The following NUP210L variants were observed in gnomAD, a reference collection of about 807,000 sequenced individuals.
The protein encoded by NUP210L is nucleoporin 210 like.
Under a neutral mutation model 208.5 loss-of-function variants are expected in NUP210L, and 74 were observed. That is an observed-to-expected ratio of 0.35 (90% confidence interval 0.29 to 0.43). NUP210L has a LOEUF of 0.43. Among genes scored for constraint, NUP210L ranks in the 20% least tolerant of loss-of-function variants. The pLI is 1.00. For synonymous variants in NUP210L, 780 were observed against 816.9 expected (o/e 0.95, Z 0.77); for missense variants, 1,843 against 2,289.4 (o/e 0.81, Z 3.98).
At chr1:154,150,442 T>A (rs1011834653) in intron 2 of NUP210L, among the ~76,000 whole-genome samples, 1 of 146,348 alleles carries the variant, frequency 6.8e-6, no homozygotes, top group Admixed American at 6.8e-5. Flanking sequence ...TAATAAGCAC[T>A]TAAGGCTGGG....
chr1:154,049,846 T>G (rs547679039), intron 25 of NUP210L, among the ~76,000 whole-genome samples: 1 of 152,310 alleles, frequency 6.6e-6, no homozygotes, highest in East Asian at 1.9e-4. Context: ...CTGTGAATGG[T>G]TTGCATTTAC....
intron 37 of NUP210L, chr1:153,995,558 TA>T (rs1649798253): frequency 2.9e-6 from 2 of 697,070 alleles, no homozygotes; most frequent in Non-Finnish European, 5.3e-6. Flanking sequence ...AAGGATGCTT[TA>T]AATCCTCTGC....
chr1:154,062,219 C>G (rs1654177259), intron 17 of NUP210L, among the ~76,000 whole-genome samples: 1 of 152,102 alleles, frequency 6.6e-6, no homozygotes, highest in African/African-American at 2.4e-5. Flanking sequence ...AAATGAGGGA[C>G]TGGGCCAGGC....
intron 23 of NUP210L, among the ~76,000 whole-genome samples, chr1:154,055,097 C>CTCTTTCTTTTCTTTCTCTT: frequency 1.4e-5 from 2 of 146,582 alleles, no homozygotes; most frequent in African/African-American, 5.1e-5. Context: ...TCCTTTCCTT[C>CTCTTTCTTTTCTTTCTCTT]TCTTTCTTTT....
chr1:154,045,964 G>C, intron 27 of NUP210L, 105 bp downstream of exon 27: 1 of 1,051,280 alleles, frequency 9.5e-7, no homozygotes, highest in Non-Finnish European at 1.3e-6. Flanking sequence ...CAGCCTGGGG[G>C]ACAGAGTGAG....
chr1:153,993,527 C>T (rs1402226165), intron 38 of NUP210L, among the ~76,000 whole-genome samples: 10 of 149,996 alleles, frequency 6.7e-5, no homozygotes, highest in African/African-American at 2.5e-4. Context: ...GATCGTGCCA[C>T]TGCACTCCAG....
Position 154,043,316 on chromosome 1 carries a change from C to T in NUP210L, c.3696+2753G>A, listed in dbSNP as rs189497018. 1.5e-4 allele frequency among the ~76,000 whole-genome samples: 22 copies of T among 150,700 alleles called. No individual in the cohort carries two copies. The East Asian group carries it at 3.0e-3, about 20-fold the overall frequency. On this transcript the variant is annotated intron_variant, in intron 27 of 39. Transcript: ENST00000368559. Reference sequence around the variant, plus strand: ...ATTACAGGCGTGAGCCACTGCACTCCGCCTTTTTTTTTTTTGAGATGGAGT... The same window carrying T: ...ATTACAGGCGTGAGCCACTGCACTCTGCCTTTTTTTTTTTTGAGATGGAGT...
intron 17 of NUP210L, among the ~76,000 whole-genome samples, chr1:154,069,508 A>G (rs1001489234): frequency 5.3e-5 from 8 of 152,240 alleles, no homozygotes; most frequent in South Asian, 2.1e-4. Flanking sequence ...ATACCATCTC[A>G]TACCAGTTAG....
intron 37 of NUP210L, 110 bp downstream of exon 37, chr1:154,000,746 T>C: frequency 1.1e-6 from 1 of 895,276 alleles, no homozygotes; most frequent in Admixed American, 2.0e-5. Context: ...GGACCGTGGT[T>C]GACAGTTAAG....
chr1:154,139,241 A>G (rs1266537028), intron 5 of NUP210L, among the ~76,000 whole-genome samples: 1 of 152,148 alleles, frequency 6.6e-6, no homozygotes, highest in Non-Finnish European at 1.5e-5. Flanking sequence ...TTATTGGAGA[A>G]AGTGTATGTA....
At chr1:154,126,252 T>C (rs1054515786) in intron 10 of NUP210L, 71 bp downstream of exon 10, 7 of 1,370,344 alleles carry the variant, frequency 5.1e-6, no homozygotes, top group South Asian at 1.3e-5. Flanking sequence ...ATATATCTGC[T>C]TGCAAATCAA....
At chr1:153,995,971 T>C in intron 37 of NUP210L, 1 of 416,934 alleles carries the variant, frequency 2.4e-6, no homozygotes, top group Non-Finnish European at 4.6e-6. Flanking sequence ...AAAATGAAAC[T>C]TTTGAGTAAT....
rs781773795 is a variant in NUP210L, at chr1:154,009,963, G to A, written c.4930+9C>T. On this transcript the variant is annotated intron_variant, in intron 35 of 39. Transcript: ENST00000368559. Reference sequence around the variant, plus strand: ...AATGGGGAAACCAGATTCAACTGGTGTAACTTACCTTTCTCCATACTGAAA... The same window carrying A: ...AATGGGGAAACCAGATTCAACTGGTATAACTTACCTTTCTCCATACTGAAA... 1.2e-6 allele frequency: 2 copies of A among 1,601,508 alleles called. No homozygotes were observed. Among genetic ancestry groups the A allele is most frequent in the Non-Finnish European group, 1.7e-6 (2 of 1,174,054 alleles).
intron 32 of NUP210L, among the ~76,000 whole-genome samples, chr1:154,020,710 A>G (rs1187022266): frequency 6.6e-6 from 1 of 151,784 alleles, no homozygotes; most frequent in African/African-American, 2.4e-5. Context: ...TATTTTTAGT[A>G]GAGACGGGGT....
intron 25 of NUP210L, among the ~76,000 whole-genome samples, chr1:154,047,773 A>T (rs1653267107): frequency 6.6e-6 from 1 of 151,134 alleles, no homozygotes; most frequent in Non-Finnish European, 1.5e-5. Context: ...CCCACTCCAC[A>T]CTCTATATTT....
intron 13 of NUP210L, among the ~76,000 whole-genome samples, chr1:154,101,398 A>G (rs1227839734): frequency 6.6e-6 from 1 of 151,024 alleles, no homozygotes; most frequent in Non-Finnish European, 1.5e-5. Flanking sequence ...AATTGCTTGA[A>G]CCCCGGAGGC....
chr1:154,002,444 C>T (rs1650274139), intron 35 of NUP210L, among the ~76,000 whole-genome samples: 1 of 151,896 alleles, frequency 6.6e-6, no homozygotes, highest in Admixed American at 6.6e-5. Context: ...CCAGCCTGGC[C>T]AACATGGTGA....
intron 7 of NUP210L, among the ~76,000 whole-genome samples, chr1:154,134,150 CA>C (rs370676301): frequency 2.1e-5 from 3 of 142,672 alleles, no homozygotes; most frequent in South Asian, 2.2e-4. Flanking sequence ...AACTCCACCT[CA>C]AAAAAAAAAT....
chr1:154,072,579 G>A (rs2790683), intron 16 of NUP210L, among the ~76,000 whole-genome samples: 19,850 of 151,810 alleles, frequency 0.13, 1,581 homozygotes, highest in East Asian at 0.41. Context: ...TGATCCGCCC[G>A]CCTTGACCTC....
Sources: gnomAD v4.1 joint callset for allele counts (sites outside exome capture counted in the v4.1 genomes callset) on GRCh38, gnomAD v4.1.1 for gene constraint, MANE v1.5 for transcripts, NCBI Gene and HGNC (gene_info 2026-07-23, HGNC 2026-07-21) for gene names.